Variants in CDH13 observed in about 807,000 individuals in gnomAD.
CDH13 encodes the protein cadherin-13.
A neutral mutation model predicts 63.8 loss-of-function variants in CDH13; 24 were observed. The observed-to-expected ratio is 0.38, with a 90% CI of 0.27 to 0.53. CDH13 has a LOEUF of 0.53. Among genes scored for constraint, CDH13 ranks in the 20% least tolerant of loss-of-function variants. The probability of loss-of-function intolerance (pLI) is 0.85; values close to 1 mark genes in which losing one functional copy is unlikely to be tolerated. For missense variants in CDH13, 1,049 were observed against 903.1 expected (o/e 1.16, Z -2.07); for synonymous variants, 503 against 355.3 (o/e 1.42, Z -4.67).
chr16:83,496,111 T>C (rs1180480518), intron 7 of CDH13, among the ~76,000 whole-genome samples: 1 of 151,710 alleles, frequency 6.6e-6, no homozygotes, highest in Non-Finnish European at 1.5e-5. Context: ...TTCAGTGCCA[T>C]CCCCATCAAG....
chr16:83,191,526 C>CATATATATATATAT (rs763006044), intron 4 of CDH13, among the ~76,000 whole-genome samples: 4 of 101,692 alleles, frequency 3.9e-5, no homozygotes, highest in East Asian at 3.0e-4. Context: ...CACACACACA[C>CATATATATATATAT]ACACATATAT....
chr16:83,524,107 T>G (rs2074902087), intron 7 of CDH13, among the ~76,000 whole-genome samples: 1 of 152,234 alleles, frequency 6.6e-6, no homozygotes, highest in Non-Finnish European at 1.5e-5. Context: ...AGCTGAAATG[T>G]CCTCATATCT....
chr16:83,582,928 G>T (rs918866336), intron 7 of CDH13, among the ~76,000 whole-genome samples: 2 of 152,168 alleles, frequency 1.3e-5, no homozygotes, highest in Admixed American at 1.3e-4. Context: ...ACTTCCTAGG[G>T]ATCCTGAAAC....
At chr16:83,751,609 C>T (rs1261945134) in intron 11 of CDH13, among the ~76,000 whole-genome samples, 1 of 152,210 alleles carries the variant, frequency 6.6e-6, no homozygotes, top group African/African-American at 2.4e-5. Flanking sequence ...GGGGAAAAGT[C>T]AGCCTGCAGT....
At chr16:83,233,104 C>T (rs1206345615) in intron 5 of CDH13, among the ~76,000 whole-genome samples, 3 of 152,164 alleles carry the variant, frequency 2.0e-5, no homozygotes, top group African/African-American at 4.8e-5. Context: ...TTGTCTGCAT[C>T]CCACTTCCTA....
intron 3 of CDH13, among the ~76,000 whole-genome samples, chr16:83,055,402 A>C (rs2030818981): frequency 6.6e-6 from 1 of 151,872 alleles, no homozygotes; most frequent in Admixed American, 6.5e-5. Context: ...AAGAAAAGAC[A>C]CTATGGCTAA....
At chr16:83,223,646 G>C (rs183705691) in intron 5 of CDH13, among the ~76,000 whole-genome samples, 1 of 152,144 alleles carries the variant, frequency 6.6e-6, no homozygotes, top group African/African-American at 2.4e-5. Flanking sequence ...GTGGCCTCCC[G>C]CCACTCACTT....
chr16:83,246,053 G>T (rs1326976220), intron 5 of CDH13, among the ~76,000 whole-genome samples: 1 of 152,128 alleles, frequency 6.6e-6, no homozygotes, highest in African/African-American at 2.4e-5. Flanking sequence ...CCTATTTCTT[G>T]TTTGACCAGG....
chr16:82,819,208 A>G (rs1213098909), intron 1 of CDH13, among the ~76,000 whole-genome samples: 1 of 152,208 alleles, frequency 6.6e-6, no homozygotes, highest in East Asian at 1.9e-4. Flanking sequence ...GTAGTTACAA[A>G]AACAATCAAT....
At chr16:83,241,085 TG>T (rs1198092604) in intron 5 of CDH13, among the ~76,000 whole-genome samples, 1 of 152,234 alleles carries the variant, frequency 6.6e-6, no homozygotes, top group African/African-American at 2.4e-5. Context: ...ATACAGTATT[TG>T]TCCTTCTATG....
At chr16:83,232,380 C>T (rs2040023936) in intron 5 of CDH13, among the ~76,000 whole-genome samples, 1 of 151,764 alleles carries the variant, frequency 6.6e-6, no homozygotes, top group Non-Finnish European at 1.5e-5. Flanking sequence ...CAAAAATTAG[C>T]CAGGCATGAT....
chr16:83,602,701 A>T, intron 8 of CDH13, 107 bp downstream of exon 8: 1 of 1,114,180 alleles, frequency 9.0e-7, no homozygotes. Context: ...TTCAAAATCA[A>T]AATACTCCTT....
intron 3 of CDH13, among the ~76,000 whole-genome samples, chr16:83,118,330 T>A (rs1475443564): frequency 1.3e-5 from 2 of 152,200 alleles, no homozygotes; most frequent in Non-Finnish European, 2.9e-5. Context: ...AGGCAGCTGA[T>A]GCATGTCTGT....
At chr16:83,533,153 T>C (rs968883367) in intron 7 of CDH13, among the ~76,000 whole-genome samples, 1 of 152,146 alleles carries the variant, frequency 6.6e-6, no homozygotes, top group African/African-American at 2.4e-5. Flanking sequence ...CTCCACTCAC[T>C]CTTATGCCAG....
chr16:82,858,276 G>A, intron 1 of CDH13, 86 bp from the exon 2 acceptor site: 8 of 780,722 alleles, frequency 1.0e-5, no homozygotes, highest in Non-Finnish European at 1.7e-5. Context: ...ACCTCAGCTT[G>A]TTTCTAAAAG....
At chr16:83,308,134 T>G (rs991313001) in intron 5 of CDH13, among the ~76,000 whole-genome samples, 3 of 152,190 alleles carry the variant, frequency 2.0e-5, no homozygotes, top group African/African-American at 7.2e-5. Context: ...TAACACATTT[T>G]TATATTTCAT....
rs114762940 is a variant in CDH13, at chr16:83,482,807, C to T, written c.782-3670C>T. Among the ~76,000 whole-genome samples the T allele has an allele frequency of 2.4e-3, 371 of 152,312 alleles. 1 individual carries two copies. The highest frequency in any genetic ancestry group is 8.5e-3 in the African/African-American group (355 of 41,556). ...CACAGTAGAAACCCAGATCTGCACACTAAGACCATGGGCAGGGTGGGAGAA... is the reference window on the plus strand; with the variant it reads ...CACAGTAGAAACCCAGATCTGCACATTAAGACCATGGGCAGGGTGGGAGAA... On this transcript the variant is annotated intron_variant, in intron 6 of 13. Transcript: ENST00000567109.
At chr16:83,256,070 G>C (rs1195232159) in intron 5 of CDH13, among the ~76,000 whole-genome samples, 2 of 152,150 alleles carry the variant, frequency 1.3e-5, no homozygotes, top group African/African-American at 4.8e-5. Flanking sequence ...GTCTCATTTT[G>C]TCACCCAGGC....
intron 2 of CDH13, among the ~76,000 whole-genome samples, chr16:82,868,064 T>C (rs971199104): frequency 4.6e-5 from 7 of 152,224 alleles, no homozygotes; most frequent in African/African-American, 1.7e-4. Flanking sequence ...GTTGGGAGAC[T>C]GATTAATTGA....
Sources: allele counts gnomAD v4.1 joint callset (sites outside exome capture counted in the v4.1 genomes callset), GRCh38; gene constraint gnomAD v4.1.1; transcripts MANE v1.5; gene names NCBI Gene and HGNC (gene_info 2026-07-23, HGNC 2026-07-21).